DACH1: variants seen among roughly 807,000 people sequenced by gnomAD.
The protein encoded by DACH1 is dachshund homolog 1.
In DACH1, 12 loss-of-function variants were observed where a neutral mutation model predicts 54.2. That is an observed-to-expected ratio of 0.22 (90% CI 0.14 to 0.36). DACH1 has a LOEUF of 0.36. Ranked by LOEUF, DACH1 falls within the 10% of genes least tolerant of loss-of-function variation. DACH1 has a pLI of 1.00. For synonymous variants in DACH1, 386 were observed against 366.2 expected, an observed-to-expected ratio of 1.05 and a Z score of -0.62; for missense variants, 805 against 929.8, an observed-to-expected ratio of 0.87 and a Z score of 1.75.
chr13:71,510,627 A>G (rs1227296872), intron 6 of DACH1, among the ~76,000 whole-genome samples: 1 of 152,024 alleles, frequency 6.6e-6, no homozygotes, highest in Admixed American at 6.6e-5. Context: ...TAAATAAGCA[A>G]TATCATGCCA....
chr13:71,533,140 A>G (rs1357338466), intron 6 of DACH1, among the ~76,000 whole-genome samples: 1 of 151,844 alleles, frequency 6.6e-6, no homozygotes, highest in Admixed American at 6.6e-5. Context: ...CATTCTTTTA[A>G]AAAATTATTA....
At chr13:71,657,328 TA>T (rs1320976635) in intron 2 of DACH1, among the ~76,000 whole-genome samples, 1 of 151,564 alleles carries the variant, frequency 6.6e-6, no homozygotes, top group Non-Finnish European at 1.5e-5. Flanking sequence ...TTATCTCTAT[TA>T]AAAAAATTAA....
intron 6 of DACH1, among the ~76,000 whole-genome samples, chr13:71,491,064 C>T (rs1251965717): frequency 6.6e-6 from 1 of 152,134 alleles, no homozygotes; most frequent in Non-Finnish European, 1.5e-5. Context: ...TCATCATCCC[C>T]ATAATTATTT....
In DACH1 at chr13:71,866,566, GGCC is replaced by G. The variant is rs538753327; in HGVS notation, c.201_203del (p.Ala68del). 52 of 1,255,132 alleles carry G rather than the reference GGCC, an allele frequency of 4.1e-5. No homozygotes were observed. The highest frequency in any genetic ancestry group is 1.9e-4 in the South Asian group (5 of 25,990). 77.7% of individuals were successfully genotyped at this position (1,255,132 alleles called of 1,614,324 possible). On this transcript the variant is annotated inframe_deletion, in exon 1 of 11. Transcript: ENST00000613252. Reference sequence around the variant, plus strand: ...CGCCGCCGCCGGTAGAGGTGACTGTGGCCGCCGCCGCCGCCGCCGAAGCGATGG... The same window carrying G: ...CGCCGCCGCCGGTAGAGGTGACTGTGGCCGCCGCCGCCGCCGAAGCGATGG...
chr13:71,865,823 C>G (rs1874711477), intron 1 of DACH1, 99 bp downstream of exon 1: 13 of 1,325,970 alleles, frequency 9.8e-6, no homozygotes, highest in Non-Finnish European at 1.2e-5. Context: ...GCGCGGCTCG[C>G]GGGCGCGCAG....
chr13:71,790,281 A>T (rs1231685231), intron 1 of DACH1, among the ~76,000 whole-genome samples: 1 of 152,130 alleles, frequency 6.6e-6, no homozygotes, highest in African/African-American at 2.4e-5. Flanking sequence ...CCTTTTAGTG[A>T]TTTCACAGCA....
Position 71,556,103 on chromosome 13 carries a change from C to A in DACH1, c.1570+921G>T, listed in dbSNP as rs1046514433. On this transcript the variant is annotated intron_variant, in intron 6 of 10. Coordinates refer to ENST00000613252, the MANE Select transcript of DACH1 (RefSeq NM_080759.6). ...TAGTCTTTTTGGTGGGAAGAAGGTA[C>A]CCCTCCTTAACTTAATCTCCCTCCA... is the stretch of plus-strand genomic sequence containing the variant. 2.4e-4 allele frequency among the ~76,000 whole-genome samples: 36 copies of A among 152,004 alleles called. 1 individual carries two copies. The highest frequency in any genetic ancestry group is 8.7e-4 in the African/African-American group (36 of 41,400).
intron 1 of DACH1, among the ~76,000 whole-genome samples, chr13:71,767,362 G>A (rs997420258): frequency 8.6e-5 from 13 of 152,046 alleles, no homozygotes; most frequent in Admixed American, 7.2e-4. Context: ...GCGATTTGGT[G>A]GGGGAATAAA....
chr13:71,573,424 G>A lies in DACH1; in HGVS notation c.1127-412C>T, dbSNP rs1471274667. 3 of 716,430 alleles carry A rather than the reference G, an allele frequency of 4.2e-6. No individual in the cohort carries two copies. The East Asian group carries it at 8.1e-5, about 19-fold the overall frequency. The allele number at this position is 716,430 out of a possible 1,614,324, so 44.4% of individuals were successfully genotyped here. On this transcript the variant is annotated intron_variant, in intron 3 of 10. Coordinates refer to ENST00000613252, the MANE Select transcript of DACH1 (RefSeq NM_080759.6). ...CTAAAGAATGCCATCGTACCATTTG[G>A]CAGAAGGTGGCTCTGCTGAAGATGG... is the stretch of plus-strand genomic sequence containing the variant.
chr13:71,770,424 G>A (rs1594199933), intron 1 of DACH1, among the ~76,000 whole-genome samples: 1 of 151,604 alleles, frequency 6.6e-6, no homozygotes, highest in East Asian at 1.9e-4. Flanking sequence ...AATATCAGCT[G>A]AAATTATCCA....
At chr13:71,479,358 A>G (rs1324421949) in intron 7 of DACH1, 42 bp from the exon 8 acceptor site, 2 of 1,574,582 alleles carry the variant, frequency 1.3e-6, no homozygotes, top group South Asian at 1.2e-5. Context: ...TTTTAATACA[A>G]AGCAAATTTC....
intron 1 of DACH1, among the ~76,000 whole-genome samples, chr13:71,722,638 T>C (rs1308633843): frequency 1.3e-5 from 2 of 152,210 alleles, no homozygotes; most frequent in African/African-American, 4.8e-5. Context: ...TATTTTATCT[T>C]GCTAGAAACA....
intron 5 of DACH1, 95 bp from the exon 6 acceptor site, chr13:71,557,253 C>G (rs537628675): frequency 2.0e-6 from 2 of 1,000,256 alleles, no homozygotes; most frequent in Admixed American, 6.6e-5. Flanking sequence ...TTGGACTCAA[C>G]AGTAACTATA....
intron 3 of DACH1, among the ~76,000 whole-genome samples, chr13:71,585,627 G>A (rs957847626): frequency 1.2e-4 from 19 of 152,130 alleles, no homozygotes; most frequent in African/African-American, 4.3e-4. Flanking sequence ...GACTAGAGGA[G>A]AGAACACATA....
intron 3 of DACH1, among the ~76,000 whole-genome samples, chr13:71,614,249 G>A (rs1354218939): frequency 6.6e-6 from 1 of 152,084 alleles, no homozygotes; most frequent in Non-Finnish European, 1.5e-5. Context: ...GAATGAAAAC[G>A]AGGAGAATTC....
At chr13:71,633,601 GACAC>G (rs76720343) in intron 2 of DACH1, among the ~76,000 whole-genome samples, 19 of 149,590 alleles carry the variant, frequency 1.3e-4, no homozygotes, top group Middle Eastern at 3.5e-3. Flanking sequence ...GTGTGTCACT[GACAC>G]ACACACACAC....
chr13:71,826,521 T>C (rs930181280), intron 1 of DACH1, among the ~76,000 whole-genome samples: 3 of 151,964 alleles, frequency 2.0e-5, no homozygotes, highest in Admixed American at 2.0e-4. Context: ...ACCTGTCTCT[T>C]CTCCCATTCC....
rs1301428814 is a variant in DACH1 at position 71,552,511 on chromosome 13, C to T, written c.1570+4513G>A. On this transcript the variant is annotated intron_variant, in intron 6 of 10. Coordinates refer to ENST00000613252, the MANE Select transcript of DACH1 (RefSeq NM_080759.6). ...CTCCAAAATTTGTTGAAAGTAGCAG[C>T]AATTTAAGAAAAACCAAAACAAATT... Among the ~76,000 whole-genome samples the T allele has an allele frequency of 4.6e-4, 70 of 151,436 alleles. 1 individual carries two copies. Among genetic ancestry groups the T allele is most frequent in the Admixed American group, 4.6e-3 (70 of 15,144 alleles).
At position 71,543,383 on chromosome 13, in the gene DACH1, A is replaced by G. The variant is rs373359632; in HGVS notation, c.1570+13641T>C. ...AAGGATGATATGAACTGAAAAATCAAGATATTTAGATGATTAAAACAAATA... is the reference window on the plus strand; with the variant it reads ...AAGGATGATATGAACTGAAAAATCAGGATATTTAGATGATTAAAACAAATA... On this transcript the variant is annotated intron_variant, in intron 6 of 10. Coordinates refer to ENST00000613252, the MANE Select transcript of DACH1 (RefSeq NM_080759.6). Among the ~76,000 whole-genome samples, 4 of 152,106 alleles carry G rather than the reference A, an allele frequency of 2.6e-5. No individual in the cohort carries two copies. In the East Asian group the frequency reaches 5.8e-4, roughly 22 times the overall value.
Sources: allele counts gnomAD v4.1 joint callset (sites outside exome capture counted in the v4.1 genomes callset), GRCh38; gene constraint gnomAD v4.1.1; transcripts MANE v1.5; gene names NCBI Gene and HGNC (gene_info 2026-07-23, HGNC 2026-07-21).